Variants in ABCC2 observed in about 807,000 individuals in gnomAD.
ABCC2 encodes the protein ATP binding cassette subfamily C member 2.
A neutral mutation model predicts 173.4 loss-of-function variants in ABCC2; 157 were observed. That is an observed-to-expected ratio of 0.91 (90% CI 0.80 to 1.03). ABCC2 has a LOEUF of 1.03. Among genes scored for constraint, ABCC2 ranks in the 50% least tolerant of loss-of-function variants. The pLI, the probability that ABCC2 is intolerant of heterozygous loss-of-function variation, is 0.00. For synonymous variants in ABCC2, 657 were observed against 693.5 expected (o/e 0.95, Z 0.83); for missense variants, 1,822 against 1,852.3 (o/e 0.98, Z 0.30).
Position 99,842,009 on chromosome 10 carries a change from C to T in ABCC2, c.3657C>T (p.Val1219=). The stretch of plus-strand genomic sequence containing the variant: ...TGGAGCTGGTTGGGAACCTGACTGT[C>T]TTCTTTTCAGCCTTGATGATGGTTA... ...IRLELVGNLT[V]FFSALMMVIY... The change falls in exon 26 of 32, where the codon GTC becomes GTT. Residue 1219 remains valine (V), a synonymous_variant. Transcript: ENST00000647814. The T allele has an allele frequency of 1.2e-6, 2 of 1,614,198 alleles. No homozygotes were observed. The highest frequency in any genetic ancestry group is 1.7e-6 in the Non-Finnish European group (2 of 1,180,032).
chr10:99,833,424 C>A (rs2038770537), intron 23 of ABCC2, among the ~76,000 whole-genome samples: 1 of 152,120 alleles, frequency 6.6e-6, no homozygotes, highest in Non-Finnish European at 1.5e-5. Context: ...AGGAAACTGT[C>A]ATTAATTATA....
intron 16 of ABCC2, among the ~76,000 whole-genome samples, chr10:99,813,516 G>C (rs1036005483): frequency 4.6e-5 from 7 of 152,164 alleles, no homozygotes; most frequent in Non-Finnish European, 8.8e-5. Context: ...AGGAGTTCGA[G>C]ACCAGCCTGG....
intron 17 of ABCC2, among the ~76,000 whole-genome samples, chr10:99,818,040 A>G (rs1457311204): frequency 2.0e-5 from 3 of 152,106 alleles, no homozygotes; most frequent in African/African-American, 7.2e-5. Context: ...CTGACCAACA[A>G]GGTGAAACCC....
At chr10:99,827,593 T>C (rs2038666726) in intron 19 of ABCC2, among the ~76,000 whole-genome samples, 1 of 152,082 alleles carries the variant, frequency 6.6e-6, no homozygotes, top group Admixed American at 6.5e-5. Context: ...GGAATGATAT[T>C]ACCCTTCCTA....
intron 1 of ABCC2, among the ~76,000 whole-genome samples, chr10:99,783,489 G>T (rs974667731): frequency 6.6e-6 from 1 of 152,168 alleles, no homozygotes; most frequent in Non-Finnish European, 1.5e-5. Context: ...CCAATCAACA[G>T]TATCAAAGGT....
intron 5 of ABCC2, 22 bp downstream of exon 5, chr10:99,794,021 T>C: frequency 1.3e-6 from 2 of 1,549,758 alleles, no homozygotes; most frequent in Non-Finnish European, 1.8e-6. Flanking sequence ...AATATGCCCA[T>C]CTCATATATT....
chr10:99,817,047 T>A (rs1253769369), intron 16 of ABCC2, among the ~76,000 whole-genome samples: 1 of 152,168 alleles, frequency 6.6e-6, no homozygotes, highest in Non-Finnish European at 1.5e-5. Context: ...CACACACATT[T>A]ATCATCTAAT....
In ABCC2 at chr10:99,852,563, C is replaced by T. The variant is rs12826; in HGVS notation, c.*932C>T. On this transcript the variant is annotated 3_prime_UTR_variant, in exon 32 of 32. Transcript: ENST00000647814. ...GTCTTGTGAATTTTTATTATAAGCT[C>T]GTTCTCCTTAAAACTTTATCTGTGG... Among the ~76,000 whole-genome samples the T allele has an allele frequency of 0.31, 47,187 of 152,048 alleles. 7,962 individuals are homozygous for T. Among genetic ancestry groups the T allele is most frequent in the Non-Finnish European group, 0.37 (25,360 of 67,996 alleles).
rs1205711312 is a variant in ABCC2 at position 99,852,384 on chromosome 10, G to T, written c.*753G>T. Among the ~76,000 whole-genome samples, 1 of 152,090 alleles carries T rather than the reference G, an allele frequency of 6.6e-6. No individual in the cohort carries two copies. Among genetic ancestry groups the T allele is most frequent in the Non-Finnish European group, 1.5e-5 (1 of 68,020 alleles). Reference sequence around the variant, plus strand: ...TGAGAATTTCATTTGCATTTCCCTAGTATCTATTGGGGATGAATATATTTT... The same window carrying T: ...TGAGAATTTCATTTGCATTTCCCTATTATCTATTGGGGATGAATATATTTT... On this transcript the variant is annotated 3_prime_UTR_variant, in exon 32 of 32. Transcript: ENST00000647814.
At chr10:99,808,761 T>C (rs1457762588) in intron 13 of ABCC2, among the ~76,000 whole-genome samples, 2 of 152,162 alleles carry the variant, frequency 1.3e-5, no homozygotes, top group Non-Finnish European at 2.9e-5. Context: ...GTCACTGATA[T>C]GCGACAAGTA....
At chr10:99,830,536 C>G (rs57122229) in intron 20 of ABCC2, 103 bp downstream of exon 20, 4 of 1,571,052 alleles carry the variant, frequency 2.5e-6, no homozygotes, top group Non-Finnish European at 3.5e-6. Flanking sequence ...ACACCATGGA[C>G]ACTCCAAGCT....
chr10:99,830,773 T>C lies in ABCC2; in HGVS notation c.2805T>C (p.Asn935=), dbSNP rs757417376. 2.5e-6 allele frequency: 4 copies of C among 1,613,892 alleles called. No homozygotes were observed. The highest frequency in any genetic ancestry group is 1.3e-5 in the African/African-American group (1 of 74,844). ...TGAGAAACTCCTTGAAAACTCGGAA[T>C]GTGAATAGCCTGAAGGAAGACGAAG... The part of the protein sequence containing the change: ...KSLRNSLKTR[N]VNSLKEDEEL... The change falls in exon 21 of 32, where the codon AAT becomes AAC. Residue 935 remains asparagine (N), a synonymous_variant. Transcript: ENST00000647814.
At position 99,800,637 on chromosome 10, in the gene ABCC2, A is replaced by G. The variant is rs2038001920; in HGVS notation, c.1209+74A>G. 1.4e-5 allele frequency: 22 copies of G among 1,524,894 alleles called. No individual in the cohort carries two copies. In the South Asian group the frequency reaches 2.5e-4, roughly 17 times the overall value. The allele number at this position is 1,524,894 out of a possible 1,614,324, so 94.5% of individuals were successfully genotyped here. On this transcript the variant is annotated intron_variant, in intron 9 of 31. Transcript: ENST00000647814. ...ATGAGCATTGATTCCAAGGTTGAGG[A>G]AAATGTGATGGAAATGGTAACTTAT...
Position 99,784,615 on chromosome 10 carries a change from C to T in ABCC2, c.41C>T (p.Ser14Leu). ...TTCCCCTTTGGTCTCCAGAATTCCTCATTCCTGGACAGTCCGGAGGCAGAC... is the reference window on the plus strand; with the variant it reads ...TTCCCCTTTGGTCTCCAGAATTCCTTATTCCTGGACAGTCCGGAGGCAGAC... Reference protein sequence around the residue: ...KFCNSTFWNSSFLDSPEADLP... With the variant: ...KFCNSTFWNSLFLDSPEADLP... The change falls in exon 2 of 32, where the codon TCA becomes TTA. Residue 14 changes from serine (S) to leucine (L), a missense_variant. By Grantham distance (145) the Ser-to-Leu change is moderately radical. Coordinates refer to ENST00000647814, the MANE Select transcript of ABCC2 (RefSeq NM_000392.5). The T allele has an allele frequency of 6.2e-7, 1 of 1,614,142 alleles. No individual in the cohort carries two copies. The highest frequency in any genetic ancestry group is 8.5e-7 in the Non-Finnish European group (1 of 1,180,042).
chr10:99,824,280 C>A (rs1301755367), intron 19 of ABCC2, among the ~76,000 whole-genome samples: 1 of 147,464 alleles, frequency 6.8e-6, no homozygotes, highest in Non-Finnish European at 1.5e-5. Context: ...TGTGTCTTTT[C>A]TTATTTTTAT....
At position 99,814,177 on chromosome 10, in the gene ABCC2, A is replaced by ATATGTG. The variant is rs1564683403; in HGVS notation, c.2094+1034_2094+1035insATGTGT. Among the ~76,000 whole-genome samples the ATATGTG allele has an allele frequency of 2.3e-3, 228 of 99,786 alleles. 16 individuals carry two copies. The highest frequency in any genetic ancestry group is 8.2e-3 in the African/African-American group (204 of 24,914). 65.5% of individuals were successfully genotyped at this position (99,786 alleles called of 152,430 possible). A position where few individuals can be genotyped will look rare whatever the true frequency, so the allele number is the denominator to read the frequency against. On this transcript the variant is annotated intron_variant, in intron 16 of 31. Coordinates refer to ENST00000647814, the MANE Select transcript of ABCC2 (RefSeq NM_000392.5). ...TGTATACACACGTATATATACACAC[A>ATATGTG]TGTATGTATACACACATGTGTATAT...
chr10:99,814,257 ACACACG>A (rs1564684085), intron 16 of ABCC2, among the ~76,000 whole-genome samples: 824 of 45,760 alleles, frequency 0.018, 47 homozygotes, highest in Middle Eastern at 0.024. Context: ...ACGTATGTAT[ACACACG>A]TATGTATACA....
intron 17 of ABCC2, 105 bp from the exon 18 acceptor site, chr10:99,818,684 CT>C (rs2133078547): frequency 8.1e-7 from 1 of 1,235,856 alleles, no homozygotes; most frequent in African/African-American, 1.5e-5. Context: ...TTTTTAACCC[CT>C]TGACACCTTA....
In ABCC2 at chr10:99,797,105, T is replaced by C; in HGVS notation, c.641T>C (p.Leu214Pro). The change falls in exon 7 of 32, where the codon CTG becomes CCG. Residue 214 changes from leucine (L) to proline (P), a missense_variant. Transcript: ENST00000647814. ...GTTCGCTCTTGTTCCAGCATCATTC[T>C]GAAAGGCTACAAGCGTCCTCTGACA... Reference protein sequence around the residue: ...ITYSWYDSIILKGYKRPLTLE... With the variant: ...ITYSWYDSIIPKGYKRPLTLE... 1 of 1,614,096 alleles carries C rather than the reference T, an allele frequency of 6.2e-7. No homozygotes were observed. Among genetic ancestry groups the C allele is most frequent in the Non-Finnish European group, 8.5e-7 (1 of 1,179,966 alleles).
Sources: gnomAD v4.1 joint callset for allele counts (sites outside exome capture counted in the v4.1 genomes callset) on GRCh38, gnomAD v4.1.1 for gene constraint, MANE v1.5 for transcripts, NCBI Gene and HGNC (gene_info 2026-07-23, HGNC 2026-07-21) for gene names.